The following ATXN1 variants were observed in gnomAD, a reference collection of about 807,000 sequenced individuals.
ATXN1 encodes the protein ataxin-1.
ATXN1 carries 8 observed loss-of-function variants against 56.4 expected under a neutral mutation model. The ratio of observed to expected loss-of-function variants is 0.14; its 90% CI spans 0.08 to 0.26. ATXN1 has a LOEUF of 0.26. Ranked by LOEUF, ATXN1 falls within the 10% of genes least tolerant of loss-of-function variation. The probability of loss-of-function intolerance (pLI) is 1.00; values close to 1 mark genes in which losing one functional copy is unlikely to be tolerated. For missense variants in ATXN1, 987 were observed against 1,106.5 expected, an observed-to-expected ratio of 0.89 and a Z score of 1.53; for synonymous variants, 514 against 494.6, an observed-to-expected ratio of 1.04 and a Z score of -0.52.
intron 3 of ATXN1, among the ~76,000 whole-genome samples, chr6:16,639,002 T>C (rs1002931809): frequency 1.4e-5 from 2 of 143,074 alleles, no homozygotes; most frequent in African/African-American, 5.3e-5. Flanking sequence ...AAGGGGATTG[T>C]AAAATGCACC....
chr6:16,545,426 T>C (rs6900454), intron 4 of ATXN1, among the ~76,000 whole-genome samples: 91,061 of 151,482 alleles, frequency 0.6, 29,654 homozygotes, highest in African/African-American at 0.85. Context: ...AGTAAAAAGT[T>C]TCCTGAGCTG....
intron 6 of ATXN1, among the ~76,000 whole-genome samples, chr6:16,397,033 C>T (rs570826912): frequency 2.6e-5 from 4 of 152,238 alleles, no homozygotes; most frequent in Admixed American, 6.5e-5. Flanking sequence ...TGCAGAAGGA[C>T]GATGTAAGGA....
At chr6:16,308,511 A>T (rs1469361235) in intron 7 of ATXN1, among the ~76,000 whole-genome samples, 1 of 152,180 alleles carries the variant, frequency 6.6e-6, no homozygotes, top group Non-Finnish European at 1.5e-5. Context: ...TTAAGAGCAT[A>T]GGGAACAGGT....
chr6:16,725,971 ACTC>A (rs1406226795), intron 2 of ATXN1, among the ~76,000 whole-genome samples: 2 of 151,934 alleles, frequency 1.3e-5, no homozygotes, highest in African/African-American at 4.8e-5. Context: ...TAGCCCTCTG[ACTC>A]CTCCTCCCCA....
At chr6:16,670,467 T>C (rs723053) in intron 2 of ATXN1, among the ~76,000 whole-genome samples, 18,460 of 152,164 alleles carry the variant, frequency 0.12, 2,467 homozygotes, top group African/African-American at 0.33. Flanking sequence ...CTCTGCGATC[T>C]TCCTCTGTGC....
rs568535202 is a variant in ATXN1 at position 16,504,118 on chromosome 6, G to A, written c.-298-18009C>T. Among the ~76,000 whole-genome samples the A allele has an allele frequency of 6.6e-5, 10 of 152,264 alleles. 1 individual carries two copies. The South Asian group carries it at 2.1e-3, about 32-fold the overall frequency. On this transcript the variant is annotated intron_variant, in intron 5 of 7. Coordinates refer to ENST00000436367, the MANE Select transcript of ATXN1 (RefSeq NM_001128164.2). ...TAGGGCATCTTTAGCAAGAAATGTG[G>A]TAAATGTGGTTGAGACATGTGGTCA...
intron 4 of ATXN1, among the ~76,000 whole-genome samples, chr6:16,539,408 AC>A (rs773639367): frequency 6.6e-6 from 1 of 152,198 alleles, no homozygotes; most frequent in South Asian, 2.1e-4. Flanking sequence ...ACGATATTAT[AC>A]ACAGTCATGG....
At chr6:16,385,935 CCAA>C (rs1269471061) in intron 6 of ATXN1, among the ~76,000 whole-genome samples, 14 of 152,168 alleles carry the variant, frequency 9.2e-5, no homozygotes, top group African/African-American at 3.4e-4. Flanking sequence ...CTGATTATCA[CCAA>C]CAATCATTCC....
At chr6:16,520,454 G>C (rs996235509) in intron 5 of ATXN1, among the ~76,000 whole-genome samples, 8 of 152,094 alleles carry the variant, frequency 5.3e-5, no homozygotes, top group African/African-American at 1.9e-4. Flanking sequence ...AGCCACAAGT[G>C]GTCTACATGG....
intron 3 of ATXN1, among the ~76,000 whole-genome samples, chr6:16,647,652 G>GA (rs1199122916): frequency 6.6e-6 from 1 of 152,104 alleles, no homozygotes; most frequent in African/African-American, 2.4e-5. Context: ...CACCATGCAA[G>GA]AAAAAATAAC....
At chr6:16,342,342 T>A (rs12212310) in intron 6 of ATXN1, among the ~76,000 whole-genome samples, 2,183 of 146,888 alleles carry the variant, frequency 0.015, 15 homozygotes, top group Non-Finnish European at 0.018. Flanking sequence ...TTCTTTTTTT[T>A]AAAAAAAAAA....
At position 16,479,592 on chromosome 6, in the gene ATXN1, T is replaced by C. The variant is rs546320764; in HGVS notation, c.-161+6380A>G. Among the ~76,000 whole-genome samples, 3 of 152,372 alleles carry C rather than the reference T, an allele frequency of 2.0e-5. No individual in the cohort carries two copies. The South Asian group carries it at 6.2e-4, about 32-fold the overall frequency. On this transcript the variant is annotated intron_variant, in intron 6 of 7. Transcript: ENST00000436367. ...TACATTAGTCCTAAGGAGTAATTTATGTGTTGTTAAGAACCAATAGATTTT... is the reference window on the plus strand; with the variant it reads ...TACATTAGTCCTAAGGAGTAATTTACGTGTTGTTAAGAACCAATAGATTTT...
At chr6:16,469,301 T>C (rs1010439784) in intron 6 of ATXN1, among the ~76,000 whole-genome samples, 1 of 152,224 alleles carries the variant, frequency 6.6e-6, no homozygotes, top group Admixed American at 6.5e-5. Flanking sequence ...TACAGTGTGA[T>C]ACTTGCAGTA....
At chr6:16,708,865 A>C (rs1467611460) in intron 2 of ATXN1, among the ~76,000 whole-genome samples, 1 of 152,082 alleles carries the variant, frequency 6.6e-6, no homozygotes, top group Non-Finnish European at 1.5e-5. Flanking sequence ...GTCTCTACTA[A>C]AAATACAAAA....
At chr6:16,524,385 G>A (rs1047733642) in intron 4 of ATXN1, among the ~76,000 whole-genome samples, 3 of 152,168 alleles carry the variant, frequency 2.0e-5, no homozygotes, top group Non-Finnish European at 2.9e-5. Context: ...TATCTTCTTC[G>A]TTTTAAAGCA....
At chr6:16,657,420 G>A (rs182215223) in intron 3 of ATXN1, among the ~76,000 whole-genome samples, 3 of 152,252 alleles carry the variant, frequency 2.0e-5, no homozygotes, top group East Asian at 1.9e-4. Context: ...ACTTCCTCTC[G>A]TGCGATTAAT....
chr6:16,370,985 G>A lies in ATXN1; in HGVS notation c.-160-42515C>T, dbSNP rs530196135. 8.5e-5 allele frequency among the ~76,000 whole-genome samples: 13 copies of A among 152,288 alleles called. No homozygotes were observed. The East Asian group carries it at 2.5e-3, about 29-fold the overall frequency. On this transcript the variant is annotated intron_variant, in intron 6 of 7. Coordinates refer to ENST00000436367, the MANE Select transcript of ATXN1 (RefSeq NM_001128164.2). ...AAATTATTCTAGGAGCCATGCCTGGGATGTCGTGGTGGCTAAGATGGAGTC... is the reference window on the plus strand; with the variant it reads ...AAATTATTCTAGGAGCCATGCCTGGAATGTCGTGGTGGCTAAGATGGAGTC...
At chr6:16,596,974 C>T (rs1252209106) in intron 3 of ATXN1, among the ~76,000 whole-genome samples, 1 of 152,240 alleles carries the variant, frequency 6.6e-6, no homozygotes, top group Non-Finnish European at 1.5e-5. Flanking sequence ...CCTTCCTGCT[C>T]CCTGATTGGG....
intron 3 of ATXN1, among the ~76,000 whole-genome samples, chr6:16,620,259 TCAAACA>T (rs1763294732): frequency 8.0e-6 from 1 of 124,604 alleles, no homozygotes; most frequent in African/African-American, 3.1e-5. Flanking sequence ...TCTCTGTCTC[TCAAACA>T]CACACACACA....
Sources: gnomAD v4.1 joint callset for allele counts (sites outside exome capture counted in the v4.1 genomes callset) on GRCh38, gnomAD v4.1.1 for gene constraint, MANE v1.5 for transcripts, NCBI Gene and HGNC (gene_info 2026-07-23, HGNC 2026-07-21) for gene names.